ATP2B2: variants seen among roughly 807,000 people sequenced by gnomAD.
ATP2B2 encodes the protein ATPase plasma membrane Ca2+ transporting 2.
A neutral mutation model predicts 120.0 loss-of-function variants in ATP2B2; 15 were observed. The observed-to-expected ratio is 0.12, with a 90% confidence interval of 0.08 to 0.19. The LOEUF (loss-of-function observed/expected upper bound fraction) is 0.19, where lower values mean the gene tolerates loss of function less well. ATP2B2 is among the 10% of genes least tolerant of loss of function. The pLI, the probability that ATP2B2 is intolerant of heterozygous loss-of-function variation, is 1.00. For missense variants in ATP2B2, 1,045 were observed against 1,719.8 expected (o/e 0.61, Z 6.94); for synonymous variants, 694 against 700.3 (o/e 0.99, Z 0.14).
intron 2 of ATP2B2, among the ~76,000 whole-genome samples, chr3:10,447,850 A>G (rs1244636889): frequency 1.3e-5 from 2 of 152,234 alleles, no homozygotes; most frequent in Non-Finnish European, 2.9e-5. Context: ...CCCTGCCAAA[A>G]CAAAAAAATA....
chr3:10,603,932 C>T (rs954494720), intron 2 of ATP2B2, among the ~76,000 whole-genome samples: 1 of 152,216 alleles, frequency 6.6e-6, no homozygotes, highest in African/African-American at 2.4e-5. Context: ...ATCATTCTGT[C>T]TTCAGCCCTC....
chr3:10,379,787 C>CAG (rs35701693), intron 8 of ATP2B2, among the ~76,000 whole-genome samples: 5 of 151,594 alleles, frequency 3.3e-5, no homozygotes, highest in Non-Finnish European at 7.4e-5. Flanking sequence ...GAAAGAGAGA[C>CAG]AGAGAGAGAG....
At chr3:10,585,071 G>A (rs550357634) in intron 2 of ATP2B2, among the ~76,000 whole-genome samples, 35 of 152,186 alleles carry the variant, frequency 2.3e-4, no homozygotes, top group African/African-American at 7.7e-4. Flanking sequence ...TCTGGATGCC[G>A]GCAACTCTCT....
chr3:10,342,981 A>G lies in ATP2B2; in HGVS notation c.2704-16T>C. On this transcript the variant is annotated splice_polypyrimidine_tract_variant and intron_variant, in intron 18 of 22. Coordinates refer to ENST00000360273, the MANE Select transcript of ATP2B2 (RefSeq NM_001001331.4). This position sits in a 1 kb window ranked among gnomAD's most constrained non-coding sequence, Gnocchi z 4.4. ...GAGGGGAGTCCTGGGGACGGGCAGG[A>G]GAGGGCTGTCACCTGTGCGCCCACC... 6.2e-7 allele frequency: 1 copy of G among 1,612,834 alleles called. No individual in the cohort carries two copies. The highest frequency in any genetic ancestry group is 8.5e-7 in the Non-Finnish European group (1 of 1,179,250).
chr3:10,376,609 G>A (rs1270593791), intron 10 of ATP2B2, among the ~76,000 whole-genome samples: 1 of 152,194 alleles, frequency 6.6e-6, no homozygotes, highest in African/African-American at 2.4e-5. Flanking sequence ...TGCAGGTGCT[G>A]CGGAGACTGC....
intron 2 of ATP2B2, among the ~76,000 whole-genome samples, chr3:10,435,104 G>A (rs951344680): frequency 8.5e-5 from 13 of 152,304 alleles, no homozygotes; most frequent in African/African-American, 3.1e-4. Context: ...CGACGTGGGC[G>A]AGTCCGTCAA....
chr3:10,536,592 T>A (rs1233490838), intron 2 of ATP2B2, among the ~76,000 whole-genome samples: 2 of 152,048 alleles, frequency 1.3e-5, no homozygotes, highest in Non-Finnish European at 2.9e-5. Context: ...AGTGGCATGA[T>A]CATAGCTCAC....
intron 1 of ATP2B2, among the ~76,000 whole-genome samples, chr3:10,644,612 C>T (rs1448199035): frequency 3.9e-5 from 6 of 152,168 alleles, no homozygotes; most frequent in African/African-American, 1.4e-4. Context: ...ACATGCTCCA[C>T]CTAAATGCTA....
At chr3:10,493,129 T>C (rs1330218248) in intron 1 of ATP2B2, among the ~76,000 whole-genome samples, 1 of 152,154 alleles carries the variant, frequency 6.6e-6, no homozygotes, top group East Asian at 1.9e-4. Flanking sequence ...CTTCCTGCCC[T>C]CAAGCTACTG....
At chr3:10,496,380 C>A (rs1437640075) in intron 1 of ATP2B2, among the ~76,000 whole-genome samples, 1 of 152,160 alleles carries the variant, frequency 6.6e-6, no homozygotes, top group Non-Finnish European at 1.5e-5. Flanking sequence ...AGCTCCTGCC[C>A]GGGCAATTGC....
rs1389301709 is a variant in ATP2B2, at chr3:10,347,125, G to A, written c.2405-988C>T. Among the ~76,000 whole-genome samples the A allele has an allele frequency of 1.3e-5, 2 of 152,012 alleles. No homozygotes were observed. Among genetic ancestry groups the A allele is most frequent in the Non-Finnish European group, 2.9e-5 (2 of 68,006 alleles). Reference sequence around the variant, plus strand: ...TCTCAGGATAACATCCATGTTCTTAGCTCCACTTATGAAGTCCTCTGTGAC... The same window carrying A: ...TCTCAGGATAACATCCATGTTCTTAACTCCACTTATGAAGTCCTCTGTGAC... On this transcript the variant is annotated intron_variant, in intron 16 of 22. Coordinates refer to ENST00000360273, the MANE Select transcript of ATP2B2 (RefSeq NM_001001331.4). The surrounding 1 kb of genome is among the most constrained non-coding windows in gnomAD (Gnocchi z 5.2).
At chr3:10,606,922 G>GC (rs2069090952) in intron 2 of ATP2B2, among the ~76,000 whole-genome samples, 1 of 104,690 alleles carries the variant, frequency 9.6e-6, no homozygotes, top group African/African-American at 4.7e-5. Flanking sequence ...CAGAGAGAGA[G>GC]AGAGAGAGAG....
intron 3 of ATP2B2, among the ~76,000 whole-genome samples, chr3:10,408,276 G>A (rs989378504): frequency 6.6e-5 from 10 of 152,220 alleles, no homozygotes; most frequent in Non-Finnish European, 1.3e-4. Context: ...AGCCAAGAAG[G>A]CCACATAACT....
At chr3:10,530,400 C>T (rs926819921) in intron 3 of ATP2B2, among the ~76,000 whole-genome samples, 1 of 152,234 alleles carries the variant, frequency 6.6e-6, no homozygotes, top group South Asian at 2.1e-4. Context: ...GGACCTGCAC[C>T]TGGCAGAGGG....
At chr3:10,465,752 G>A (rs964271937) in intron 1 of ATP2B2, among the ~76,000 whole-genome samples, 8 of 152,184 alleles carry the variant, frequency 5.3e-5, no homozygotes, top group East Asian at 1.9e-4. Flanking sequence ...TGACAAGGCC[G>A]GAGCTGCCAC....
chr3:10,555,061 TCTC>T (rs2067749469), intron 2 of ATP2B2, among the ~76,000 whole-genome samples: 1 of 152,178 alleles, frequency 6.6e-6, no homozygotes, highest in Non-Finnish European at 1.5e-5. Flanking sequence ...AGGAGGGTAC[TCTC>T]CTCCTTTTCG....
intron 1 of ATP2B2, among the ~76,000 whole-genome samples, chr3:10,462,664 G>A (rs1176640492): frequency 6.6e-6 from 1 of 152,236 alleles, no homozygotes; most frequent in African/African-American, 2.4e-5. Flanking sequence ...CACAGCTAAT[G>A]AGGAGTGGCA....
rs192576964 is a variant in ATP2B2 at position 10,543,458 on chromosome 3, C to T, written c.-414-9325G>A. Among the ~76,000 whole-genome samples the T allele has an allele frequency of 2.6e-5, 4 of 152,284 alleles. No homozygotes were observed. In the East Asian group the frequency reaches 7.7e-4, roughly 29 times the overall value. ...ACATCAATTAAAACATCAATCATAT[C>T]ATAATAGATTGAATGCAGATGTGAA... On this transcript the variant is annotated intron_variant, in intron 2 of 21. Transcript: ENST00000646379.
chr3:10,598,220 T>G (rs1293011726), intron 2 of ATP2B2, among the ~76,000 whole-genome samples: 1 of 152,192 alleles, frequency 6.6e-6, no homozygotes, highest in East Asian at 1.9e-4. Context: ...CAGGGGTATG[T>G]GAAGAACGTG....
Sources: allele counts gnomAD v4.1 joint callset (sites outside exome capture counted in the v4.1 genomes callset), GRCh38; gene constraint gnomAD v4.1.1; non-coding constraint Gnocchi (gnomAD v3.1); transcripts MANE v1.5; gene names NCBI Gene and HGNC (gene_info 2026-07-23, HGNC 2026-07-21).